The following MTMR9 variants were observed in gnomAD, a reference collection of about 807,000 sequenced individuals.
MTMR9 encodes the protein myotubularin related protein 9.
MTMR9 carries 39 observed loss-of-function variants against 69.5 expected under a neutral mutation model. That is an observed-to-expected ratio of 0.56 (90% CI 0.43 to 0.73). The LOEUF is 0.73. Ranked by LOEUF, MTMR9 falls within the 30% of genes least tolerant of loss-of-function variation. The pLI is 0.00. For synonymous variants in MTMR9, 354 were observed against 240.8 expected (o/e 1.47, Z -4.35); for missense variants, 900 against 671.2 (o/e 1.34, Z -3.77).
chr8:11,306,342 A>C lies in MTMR9; in HGVS notation c.744A>C (p.Lys248Asn), dbSNP rs1388317721. ...SLNVAQQTRA[K>N]GGGFEQEAHY... is the part of the protein sequence containing the mutation. ...ACGTGGCTCAGCAAACTAGAGCCAA[A>C]GGAGGTGGCTTTGAACAAGAAGCTC... The change falls in exon 5 of 10, where the codon AAA becomes AAC. Residue 248 changes from lysine (K) to asparagine (N), a missense_variant. By Grantham distance (94) the Lys-to-Asn change is moderately conservative. Coordinates refer to ENST00000221086, the MANE Select transcript of MTMR9 (RefSeq NM_015458.4). 4 of 1,614,098 alleles carry C rather than the reference A, an allele frequency of 2.5e-6. No individual in the cohort carries two copies. The highest frequency in any genetic ancestry group is 2.5e-6 in the Non-Finnish European group (3 of 1,179,966).
chr8:11,286,685 A>AG (rs1799171445), intron 1 of MTMR9, among the ~76,000 whole-genome samples: 1 of 149,308 alleles, frequency 6.7e-6, no homozygotes, highest in Non-Finnish European at 1.5e-5. Context: ...AAAAAAAAAA[A>AG]AAAAAAGTCT....
intron 1 of MTMR9, among the ~76,000 whole-genome samples, chr8:11,287,979 T>A (rs1253068324): frequency 1.7e-4 from 21 of 123,224 alleles, no homozygotes; most frequent in Non-Finnish European, 2.9e-4. Flanking sequence ...TATATATGTA[T>A]TATATAATAT....
chr8:11,295,949 C>T (rs1195407557), intron 2 of MTMR9, among the ~76,000 whole-genome samples: 1 of 152,136 alleles, frequency 6.6e-6, no homozygotes, highest in Non-Finnish European at 1.5e-5. Flanking sequence ...AGTGAGTTAA[C>T]CAGTGCACTG....
In MTMR9 at chr8:11,297,399, A is replaced by C. The variant is rs574300030; in HGVS notation, c.291+2097A>C. Among the ~76,000 whole-genome samples the C allele has an allele frequency of 2.6e-5, 4 of 152,338 alleles. No homozygotes were observed. In the South Asian group the frequency reaches 8.3e-4, roughly 32 times the overall value. ...TAATGCATGATGTTGATTTGATGTAATTTGTTAAATTGAATGAGAATGCAT... is the reference window on the plus strand; with the variant it reads ...TAATGCATGATGTTGATTTGATGTACTTTGTTAAATTGAATGAGAATGCAT... On this transcript the variant is annotated intron_variant, in intron 2 of 9. Coordinates refer to ENST00000221086, the MANE Select transcript of MTMR9 (RefSeq NM_015458.4).
intron 1 of MTMR9, among the ~76,000 whole-genome samples, chr8:11,288,318 AAT>A (rs1173572162): frequency 1.4e-5 from 2 of 140,308 alleles, no homozygotes; most frequent in East Asian, 2.0e-4. Flanking sequence ...ATGTATATAT[AAT>A]ATATATACAT....
At chr8:11,304,359 G>T (rs1016496354) in intron 3 of MTMR9, among the ~76,000 whole-genome samples, 2 of 152,166 alleles carry the variant, frequency 1.3e-5, no homozygotes, top group African/African-American at 4.8e-5. Flanking sequence ...AGTCTTACTT[G>T]TGCTTTAAGA....
chr8:11,299,976 C>A, intron 2 of MTMR9, 47 bp from the exon 3 acceptor site: 2 of 1,587,802 alleles, frequency 1.3e-6, no homozygotes, highest in Admixed American at 1.8e-5. Context: ...AATATGTTTC[C>A]AGTTGTGGAT....
At chr8:11,298,899 A>G in intron 2 of MTMR9, 1 of 983,626 alleles carries the variant, frequency 1.0e-6, no homozygotes, top group Non-Finnish European at 1.2e-6. Context: ...TTTGGGGCTG[A>G]TAGAGTTATT....
rs757327027 is a variant in MTMR9 at position 11,309,545 on chromosome 8, G to A, written c.828G>A (p.Glu276=). The part of the protein sequence containing the change: ...KSIERYHILQ[E]SLIKLVEACN... ...TTAAAAGGTATCACATTCTTCAGGA[G>A]AGCTTAATCAAACTTGTGGAAGCTT... The change falls in exon 6 of 10, where the codon GAG becomes GAA. Residue 276 remains glutamate (E), a synonymous_variant. Transcript: ENST00000221086. The A allele has an allele frequency of 4.3e-6, 7 of 1,613,226 alleles. No individual in the cohort carries two copies. The South Asian group carries it at 7.7e-5, about 18-fold the overall frequency.
intron 6 of MTMR9, among the ~76,000 whole-genome samples, chr8:11,314,333 A>G (rs1327165661): frequency 2.0e-5 from 3 of 152,120 alleles, no homozygotes; most frequent in Non-Finnish European, 2.9e-5. Context: ...GAGTCTCATG[A>G]TGCAGTGGTA....
At chr8:11,292,739 G>A (rs961896032) in intron 1 of MTMR9, among the ~76,000 whole-genome samples, 2 of 152,120 alleles carry the variant, frequency 1.3e-5, no homozygotes, top group South Asian at 4.1e-4. Flanking sequence ...TTCATACACA[G>A]TCATGTGATT....
downstream of MTMR9, among the ~76,000 whole-genome samples, chr8:11,330,458 C>A (rs887758976): frequency 6.6e-6 from 1 of 152,048 alleles, no homozygotes; most frequent in Admixed American, 6.5e-5. Flanking sequence ...ATGACGATGG[C>A]GGTTTTGTGG....
intron 3 of MTMR9, among the ~76,000 whole-genome samples, chr8:11,304,303 A>T (rs1030626795): frequency 3.9e-5 from 6 of 152,196 alleles, no homozygotes; most frequent in Admixed American, 6.5e-5. Context: ...TATAGATAGT[A>T]GCTGTGTTCT....
downstream of MTMR9, chr8:11,331,497 G>C (rs949859067): frequency 1.2e-6 from 2 of 1,613,778 alleles, no homozygotes; most frequent in African/African-American, 2.7e-5. Flanking sequence ...TGGCAACGCT[G>C]CCACTGTTCG....
At position 11,285,086 on chromosome 8, in the gene MTMR9, A is replaced by C. The variant is rs1309879698; in HGVS notation, c.182+16A>C. On this transcript the variant is annotated intron_variant, in intron 1 of 9. Coordinates refer to ENST00000221086, the MANE Select transcript of MTMR9 (RefSeq NM_015458.4). ...TCGACAAGCGGTGAGTGCCCGCCCC[A>C]CCCCAGCTCCGCAGGGAGCCGGGGG... 9 of 1,543,906 alleles carry C rather than the reference A, an allele frequency of 5.8e-6. No individual in the cohort carries two copies. The highest frequency in any genetic ancestry group is 5.6e-5 in the African/African-American group (4 of 71,522).
the MTMR9 span, among the ~76,000 whole-genome samples, chr8:11,338,928 T>C: frequency 2.2e-4 from 34 of 152,288 alleles, no homozygotes; most frequent in South Asian, 6.8e-3. Context: ...CATAGCTCTT[T>C]TGAGGGCTGT....
rs565735419 is a variant in MTMR9 at position 11,328,050 on chromosome 8, C to T, written c.*5262C>T. 1 of 152,090 alleles carries T rather than the reference C, an allele frequency of 6.6e-6. No homozygotes were observed. The highest frequency in any genetic ancestry group is 2.1e-4 in the South Asian group (1 of 4,820). The allele number at this position is 152,090 out of a possible 1,614,324, so 9.4% of individuals were successfully genotyped here. A position where few individuals can be genotyped will look rare whatever the true frequency, so the allele number is the denominator to read the frequency against. On this transcript the variant is annotated 3_prime_UTR_variant, in exon 10 of 10. Coordinates refer to ENST00000221086, the MANE Select transcript of MTMR9 (RefSeq NM_015458.4). ...GTGTGTAATATTTGCGTATGGTGTT[C>T]CTCTGCCTCAGAGGACAGTTGCACA...
intron 2 of MTMR9, among the ~76,000 whole-genome samples, chr8:11,296,783 C>G (rs1001749453): frequency 2.6e-5 from 4 of 152,100 alleles, no homozygotes; most frequent in Non-Finnish European, 4.4e-5. Flanking sequence ...TATTTCTTTT[C>G]TAAAGCAAGT....
the MTMR9 span, among the ~76,000 whole-genome samples, chr8:11,337,485 G>GAT: frequency 6.6e-6 from 1 of 152,136 alleles, no homozygotes; most frequent in East Asian, 1.9e-4. Flanking sequence ...CCTTGCATTT[G>GAT]TCTTCCTCAG....
Sources: gnomAD v4.1 joint callset for allele counts (sites outside exome capture counted in the v4.1 genomes callset) on GRCh38, gnomAD v4.1.1 for gene constraint, MANE v1.5 for transcripts, NCBI Gene and HGNC (gene_info 2026-07-23, HGNC 2026-07-21) for gene names.